The following CTIF variants were observed in gnomAD, a reference collection of about 807,000 sequenced individuals.
CTIF encodes cap binding complex dependent translation initiation factor, also known as CBP80/20-dependent translation initiation factor.
In CTIF, 21 loss-of-function variants were observed where a neutral mutation model predicts 66.0. The ratio of observed to expected loss-of-function variants is 0.32; its 90% CI spans 0.23 to 0.46. CTIF has a LOEUF of 0.46. Ranked by LOEUF, CTIF falls within the 20% of genes least tolerant of loss-of-function variation. The probability of loss-of-function intolerance (pLI) is 1.00; values close to 1 mark genes in which losing one functional copy is unlikely to be tolerated. For missense variants in CTIF, 739 were observed against 812.7 expected, an observed-to-expected ratio of 0.91 and a Z score of 1.10; for synonymous variants, 345 against 326.4, an observed-to-expected ratio of 1.06 and a Z score of -0.62.
intron 6 of CTIF, among the ~76,000 whole-genome samples, chr18:48,701,918 T>G (rs898466732): frequency 1.3e-5 from 2 of 152,242 alleles, no homozygotes; most frequent in African/African-American, 4.8e-5. Context: ...TTAAATTATT[T>G]AGGACTTTTT....
chr18:48,853,368 G>A (rs1392540925), intron 10 of CTIF, among the ~76,000 whole-genome samples: 1 of 152,200 alleles, frequency 6.6e-6, no homozygotes, highest in Non-Finnish European at 1.5e-5. Context: ...AGTGAGGTCT[G>A]TGGATCTGCG....
chr18:48,634,991 T>C (rs2090786902), intron 2 of CTIF, among the ~76,000 whole-genome samples: 1 of 152,152 alleles, frequency 6.6e-6, no homozygotes, highest in Admixed American at 6.5e-5. Context: ...TATTATTTCA[T>C]TTAATTTTAC....
At chr18:48,658,934 T>C (rs530841647) in intron 3 of CTIF, among the ~76,000 whole-genome samples, 19 of 152,228 alleles carry the variant, frequency 1.2e-4, no homozygotes, top group African/African-American at 4.6e-4. Context: ...TGGCAGTTAA[T>C]AACTCTGTTG....
chr18:48,751,549 G>A (rs1020616968), intron 7 of CTIF, among the ~76,000 whole-genome samples: 15 of 152,216 alleles, frequency 9.9e-5, no homozygotes, highest in Admixed American at 1.3e-4. Flanking sequence ...CTCATCTGAA[G>A]GAAGTGGATG....
chr18:48,746,155 G>A (rs569995098), intron 7 of CTIF, among the ~76,000 whole-genome samples: 2 of 152,170 alleles, frequency 1.3e-5, no homozygotes, highest in Non-Finnish European at 2.9e-5. Flanking sequence ...CCCATCTGTG[G>A]GGCCATCTTT....
chr18:48,656,054 C>T (rs1046479303), intron 3 of CTIF, among the ~76,000 whole-genome samples: 8 of 152,200 alleles, frequency 5.3e-5, no homozygotes, highest in African/African-American at 1.9e-4. Flanking sequence ...GTGTGGAGAC[C>T]GCAGCCTCAT....
In CTIF at chr18:48,646,460, G is replaced by C. The variant is rs931806219; in HGVS notation, c.252+9775G>C. Among the ~76,000 whole-genome samples, 13 of 148,124 alleles carry C rather than the reference G, an allele frequency of 8.8e-5. 1 individual carries two copies. On this transcript the variant is annotated intron_variant, in intron 3 of 11. Coordinates refer to ENST00000256413, the MANE Select transcript of CTIF (RefSeq NM_014772.3). ...ACTTGGCAGCATTAAAAAAAAAAAA[G>C]TGACGGCCAAGAGCGGTGGCTCATG...
intron 1 of CTIF, among the ~76,000 whole-genome samples, chr18:48,581,518 T>G (rs1226764679): frequency 6.6e-6 from 1 of 152,162 alleles, no homozygotes; most frequent in Non-Finnish European, 1.5e-5. Context: ...TGGCACTGCC[T>G]TAACCACTGC....
intron 1 of CTIF, among the ~76,000 whole-genome samples, chr18:48,612,272 C>T (rs2090321020): frequency 6.6e-6 from 1 of 152,228 alleles, no homozygotes; most frequent in African/African-American, 2.4e-5. Flanking sequence ...AGTGAGCAGG[C>T]TCCCATGGCT....
chr18:48,719,612 C>T (rs575000354), intron 7 of CTIF, among the ~76,000 whole-genome samples: 1 of 152,192 alleles, frequency 6.6e-6, no homozygotes, highest in African/African-American at 2.4e-5. Context: ...CATTGACACA[C>T]AAACAGTGAA....
At chr18:48,639,056 G>T (rs1350075201) in intron 3 of CTIF, among the ~76,000 whole-genome samples, 2 of 152,230 alleles carry the variant, frequency 1.3e-5, no homozygotes, top group Non-Finnish European at 2.9e-5. Context: ...GCCACTGAGG[G>T]ACACCCCCTG....
chr18:48,834,504 C>A (rs999087117), intron 10 of CTIF, among the ~76,000 whole-genome samples: 1 of 152,198 alleles, frequency 6.6e-6, no homozygotes. Flanking sequence ...AAGTGGGAAA[C>A]GCTCCTCTCC....
intron 6 of CTIF, among the ~76,000 whole-genome samples, chr18:48,688,872 AAG>A (rs374599122): frequency 9.9e-5 from 15 of 152,256 alleles, no homozygotes; most frequent in African/African-American, 2.9e-4. Context: ...GTAGAGAGGA[AAG>A]AGGGGGAGAA....
intron 1 of CTIF, among the ~76,000 whole-genome samples, chr18:48,572,899 G>A (rs1051166237): frequency 6.6e-6 from 1 of 152,086 alleles, no homozygotes; most frequent in Non-Finnish European, 1.5e-5. Flanking sequence ...AGGCCGAGGT[G>A]GGAGGATTAA....
intron 9 of CTIF, among the ~76,000 whole-genome samples, chr18:48,803,015 A>G (rs2068077229): frequency 6.6e-6 from 1 of 152,230 alleles, no homozygotes; most frequent in Non-Finnish European, 1.5e-5. Context: ...CGCCTGCCTA[A>G]GTGTGAGACA....
At chr18:48,850,235 G>A (rs1473871302) in intron 10 of CTIF, among the ~76,000 whole-genome samples, 1 of 152,202 alleles carries the variant, frequency 6.6e-6, no homozygotes, top group African/African-American at 2.4e-5. Flanking sequence ...CCCTTGTATG[G>A]ATTTACCACT....
At position 48,859,845 on chromosome 18, in the gene CTIF, C is replaced by A. The variant is rs1033523505; in HGVS notation, c.*286C>A. On this transcript the variant is annotated 3_prime_UTR_variant, in exon 12 of 12. Coordinates refer to ENST00000256413, the MANE Select transcript of CTIF (RefSeq NM_014772.3). ...CCTCCCCTTCCTCACTCCCGCCTCT[C>A]CCCTCCCCATCAGACCCATCCCCCA... 8.3e-6 allele frequency: 5 copies of A among 603,784 alleles called. No homozygotes were observed. In the African/African-American group the frequency reaches 9.1e-5, roughly 11 times the overall value. The allele number at this position is 603,784 out of a possible 1,614,324, so 37.4% of individuals were successfully genotyped here. A position where few individuals can be genotyped will look rare whatever the true frequency, so the allele number is the denominator to read the frequency against.
chr18:48,649,481 C>T (rs2091115553), intron 3 of CTIF, among the ~76,000 whole-genome samples: 1 of 152,260 alleles, frequency 6.6e-6, no homozygotes, highest in Non-Finnish European at 1.5e-5. Flanking sequence ...AACCATAGCT[C>T]AGCAAGGCCT....
intron 3 of CTIF, among the ~76,000 whole-genome samples, chr18:48,653,111 A>G (rs1269244191): frequency 1.3e-5 from 2 of 152,204 alleles, no homozygotes; most frequent in African/African-American, 2.4e-5. Context: ...TCAACGTAGT[A>G]TTGGAAGTTC....
Sources: allele counts gnomAD v4.1 joint callset (sites outside exome capture counted in the v4.1 genomes callset), GRCh38; gene constraint gnomAD v4.1.1; transcripts MANE v1.5; gene names NCBI Gene and HGNC (gene_info 2026-07-23, HGNC 2026-07-21).